The following HPSE2 variants were observed in gnomAD, a reference collection of about 807,000 sequenced individuals.
HPSE2 encodes inactive heparanase-2.
A neutral mutation model predicts 60.5 loss-of-function variants in HPSE2; 38 were observed. That is an observed-to-expected ratio of 0.63 (90% CI 0.48 to 0.82). The LOEUF is 0.82. Ranked by LOEUF, HPSE2 falls within the 40% of genes least tolerant of loss-of-function variation. The pLI, the probability that HPSE2 is intolerant of heterozygous loss-of-function variation, is 0.00. For synonymous variants in HPSE2, 295 were observed against 293.2 expected, an observed-to-expected ratio of 1.01 and a Z score of -0.06; for missense variants, 713 against 740.4, an observed-to-expected ratio of 0.96 and a Z score of 0.43.
At chr10:99,104,136 G>A (rs1269302416) in intron 3 of HPSE2, among the ~76,000 whole-genome samples, 4 of 152,124 alleles carry the variant, frequency 2.6e-5, no homozygotes, top group African/African-American at 9.7e-5. Flanking sequence ...TGACAAATGG[G>A]ATCTAATTAA....
At chr10:98,976,593 A>G (rs968483902) in intron 3 of HPSE2, among the ~76,000 whole-genome samples, 3 of 152,148 alleles carry the variant, frequency 2.0e-5, no homozygotes, top group Non-Finnish European at 2.9e-5. Flanking sequence ...CTAACGATAC[A>G]ATTCTTAACC....
At chr10:98,671,957 C>T (rs1363952988) in intron 6 of HPSE2, among the ~76,000 whole-genome samples, 1 of 152,150 alleles carries the variant, frequency 6.6e-6, no homozygotes, top group African/African-American at 2.4e-5. Context: ...ACAAAATTAC[C>T]TACACAGAAC....
chr10:99,015,750 A>T (rs1343919252), intron 3 of HPSE2, among the ~76,000 whole-genome samples: 1 of 152,144 alleles, frequency 6.6e-6, no homozygotes, highest in African/African-American at 2.4e-5. Context: ...GCACACCAAC[A>T]TGGCACATGT....
At chr10:99,211,471 A>G (rs1049906037) in intron 2 of HPSE2, among the ~76,000 whole-genome samples, 8 of 152,158 alleles carry the variant, frequency 5.3e-5, no homozygotes, top group African/African-American at 1.9e-4. Context: ...AAGCTATCGT[A>G]ATAAAAAGAA....
the HPSE2 span, among the ~76,000 whole-genome samples, chr10:99,278,906 G>C: frequency 6.6e-6 from 1 of 152,202 alleles, no homozygotes; most frequent in Non-Finnish European, 1.5e-5. Context: ...CTGCAATGGA[G>C]AATAAGAATA....
intron 9 of HPSE2, among the ~76,000 whole-genome samples, chr10:98,537,563 T>C (rs1178604890): frequency 6.6e-6 from 1 of 152,024 alleles, no homozygotes; most frequent in Non-Finnish European, 1.5e-5. Context: ...AACCGGCGGG[T>C]ATAGGGTCAG....
intron 3 of HPSE2, among the ~76,000 whole-genome samples, chr10:98,973,222 C>G (rs781355990): frequency 1.3e-5 from 2 of 152,088 alleles, no homozygotes; most frequent in Non-Finnish European, 2.9e-5. Flanking sequence ...TGCAGTAACC[C>G]TTTCCAAGAA....
At chr10:99,121,121 G>T (rs1844936544) in intron 3 of HPSE2, among the ~76,000 whole-genome samples, 2 of 152,176 alleles carry the variant, frequency 1.3e-5, no homozygotes, top group Non-Finnish European at 2.9e-5. Flanking sequence ...GTCATAAAAA[G>T]TAAGAGCATG....
At chr10:98,699,842 CCAATAA>C (rs1396024612) in intron 5 of HPSE2, among the ~76,000 whole-genome samples, 1 of 114,958 alleles carries the variant, frequency 8.7e-6, no homozygotes, top group Non-Finnish European at 2.0e-5. Flanking sequence ...TTCTTATACA[CCAATAA>C]CAGACAAACA....
At chr10:98,479,428 A>T (rs116509506) in intron 11 of HPSE2, among the ~76,000 whole-genome samples, 85 of 152,308 alleles carry the variant, frequency 5.6e-4, no homozygotes, top group African/African-American at 2.0e-3. Context: ...ATCACTTCCT[A>T]GCATTTTCTT....
intron 3 of HPSE2, among the ~76,000 whole-genome samples, chr10:99,065,185 G>A (rs907476956): frequency 6.6e-6 from 1 of 152,058 alleles, no homozygotes; most frequent in Non-Finnish European, 1.5e-5. Context: ...TTTCAGGGAA[G>A]ACAATATAAA....
intron 3 of HPSE2, among the ~76,000 whole-genome samples, chr10:99,073,727 T>C (rs2135554258): frequency 6.6e-6 from 1 of 152,316 alleles, no homozygotes; most frequent in African/African-American, 2.4e-5. Context: ...ATTTGTGCAA[T>C]CAATGTTTTG....
At chr10:98,470,863 C>G (rs1429051763) in intron 11 of HPSE2, among the ~76,000 whole-genome samples, 1 of 152,104 alleles carries the variant, frequency 6.6e-6, no homozygotes, top group Non-Finnish European at 1.5e-5. Context: ...TGGGAGTGAA[C>G]TGGAGGAAAA....
chr10:98,467,131 C>T (rs548695603), intron 11 of HPSE2, among the ~76,000 whole-genome samples: 95 of 152,308 alleles, frequency 6.2e-4, no homozygotes, highest in Non-Finnish European at 3.2e-4. Context: ...CTAACTCTTA[C>T]TTGTCCTTCA....
At chr10:98,946,856 G>A (rs116169513) in intron 3 of HPSE2, among the ~76,000 whole-genome samples, 2,353 of 152,100 alleles carry the variant, frequency 0.015, 56 homozygotes, top group African/African-American at 0.054. Flanking sequence ...GTTGTATTCC[G>A]TTAAAACACC....
chr10:99,040,978 T>C (rs1157968236), intron 3 of HPSE2, among the ~76,000 whole-genome samples: 1 of 151,590 alleles, frequency 6.6e-6, no homozygotes, highest in East Asian at 1.9e-4. Context: ...TCCCAGCTAC[T>C]CCGGAGGCCG....
At chr10:98,563,715 A>AT (rs577268816) in intron 9 of HPSE2, among the ~76,000 whole-genome samples, 4 of 151,602 alleles carry the variant, frequency 2.6e-5, no homozygotes, top group Middle Eastern at 3.4e-3. Context: ...CTTTCTTCTT[A>AT]TTTTTTTTTC....
At chr10:99,164,463 G>C (rs1846985918) in intron 2 of HPSE2, among the ~76,000 whole-genome samples, 1 of 150,558 alleles carries the variant, frequency 6.6e-6, no homozygotes, top group African/African-American at 2.4e-5. Context: ...GTCTCATCTT[G>C]TATTTTTCCC....
the HPSE2 span, among the ~76,000 whole-genome samples, chr10:99,305,158 T>C: frequency 6.6e-6 from 1 of 152,218 alleles, no homozygotes; most frequent in East Asian, 1.9e-4. Context: ...TTTTGGCAGT[T>C]GTACAGTTGT....
Sources: gnomAD v4.1 joint callset for allele counts (sites outside exome capture counted in the v4.1 genomes callset) on GRCh38, gnomAD v4.1.1 for gene constraint, MANE v1.5 for transcripts, NCBI Gene and HGNC (gene_info 2026-07-23, HGNC 2026-07-21) for gene names.